Variants in RPRD1B observed in about 807,000 individuals in gnomAD.
RPRD1B encodes regulation of nuclear pre-mRNA domain containing 1B, also known as regulation of nuclear pre-mRNA domain-containing protein 1B.
RPRD1B carries 11 observed loss-of-function variants against 41.5 expected under a neutral mutation model. The ratio of observed to expected loss-of-function variants is 0.27; its 90% confidence interval spans 0.17 to 0.44. The LOEUF is 0.44. Ranked by LOEUF, RPRD1B falls within the 20% of genes least tolerant of loss-of-function variation. RPRD1B has a pLI of 1.00. For synonymous variants in RPRD1B, 158 were observed against 155.6 expected, an observed-to-expected ratio of 1.02 and a Z score of -0.12; for missense variants, 248 against 389.9, an observed-to-expected ratio of 0.64 and a Z score of 3.06.
At chr20:38,075,939 T>G (rs2074455379) in intron 6 of RPRD1B, among the ~76,000 whole-genome samples, 1 of 152,186 alleles carries the variant, frequency 6.6e-6, no homozygotes, top group African/African-American at 2.4e-5. Context: ...TATGATTAGC[T>G]CTCTTTGCCT....
chr20:38,036,293 C>T (rs77242529), intron 1 of RPRD1B, among the ~76,000 whole-genome samples: 2,686 of 152,266 alleles, frequency 0.018, 71 homozygotes, highest in African/African-American at 0.058. Flanking sequence ...ACAGCTAGGA[C>T]ATGAGCCCAG....
At chr20:38,057,453 A>G (rs2074254773) in intron 3 of RPRD1B, 79 bp from the exon 4 acceptor site, 3 of 920,776 alleles carry the variant, frequency 3.3e-6, no homozygotes, top group Non-Finnish European at 5.4e-6. Flanking sequence ...CTGTTTTTAC[A>G]TGTGGCCCAT....
chr20:38,060,245 C>G (rs1198645268), intron 5 of RPRD1B, among the ~76,000 whole-genome samples: 4 of 152,222 alleles, frequency 2.6e-5, no homozygotes, highest in East Asian at 1.9e-4. Flanking sequence ...GGATTCTAAT[C>G]TAGGCTGCAA....
At chr20:38,050,438 G>A (rs1487467762) in intron 3 of RPRD1B, among the ~76,000 whole-genome samples, 4 of 152,188 alleles carry the variant, frequency 2.6e-5, no homozygotes, top group African/African-American at 9.7e-5. Flanking sequence ...CTTCAGTACA[G>A]CTTTGGGGAA....
intron 2 of RPRD1B, among the ~76,000 whole-genome samples, chr20:38,041,431 A>G (rs1362045817): frequency 6.6e-6 from 1 of 152,230 alleles, no homozygotes; most frequent in Non-Finnish European, 1.5e-5. Flanking sequence ...TGAAGGAATA[A>G]AATTAGAAAT....
At chr20:38,064,610 A>C in intron 5 of RPRD1B, among the ~76,000 whole-genome samples, 1 of 152,212 alleles carries the variant, frequency 6.6e-6, no homozygotes, top group Admixed American at 6.5e-5. Context: ...CTTTGTAAAT[A>C]CAGATCCTGC....
chr20:38,048,467 G>A lies in RPRD1B; in HGVS notation c.401G>A (p.Ser134Asn). 6.2e-7 allele frequency: 1 copy of A among 1,607,172 alleles called. No homozygotes were observed. The highest frequency in any genetic ancestry group is 8.5e-7 in the Non-Finnish European group (1 of 1,174,712). ...AAGCTGTCTATGGAGGACTCCAAGA[G>A]CCCTCCCCCCAAAGGTAGAAACATC... ...QLKLSMEDSK[S>N]PPPKATEEKK... Residue 134 changes from serine to asparagine, a missense_variant, in exon 3 of 7, where the codon AGC becomes AAC. Ser to Asn is a conservative substitution (Grantham distance 46, BLOSUM62 1). This residue lies in a region of RPRD1B where 94 missense variants were observed against 82.3 expected (regional missense o/e 1.14). Coordinates refer to ENST00000373433, the MANE Select transcript of RPRD1B (RefSeq NM_021215.4).
At chr20:38,049,681 A>G (rs899139829) in intron 3 of RPRD1B, 1 of 469,218 alleles carries the variant, frequency 2.1e-6, no homozygotes. Flanking sequence ...TTTTTTCTTT[A>G]AAGAGTAAGA....
chr20:38,035,366 A>G (rs1293284917), intron 1 of RPRD1B, among the ~76,000 whole-genome samples: 1 of 152,206 alleles, frequency 6.6e-6, no homozygotes, highest in African/African-American at 2.4e-5. Flanking sequence ...GTTCTATACT[A>G]TCTGTGAGTT....
At chr20:38,048,598 G>A in intron 3 of RPRD1B, 117 bp downstream of exon 3, 1 of 1,472,466 alleles carries the variant, frequency 6.8e-7, no homozygotes, top group South Asian at 1.5e-5. Context: ...TCTTCAGAGA[G>A]ACAGATGATC....
intron 1 of RPRD1B, 94 bp from the exon 2 acceptor site, chr20:38,040,341 C>A: frequency 9.9e-7 from 1 of 1,010,782 alleles, no homozygotes; most frequent in Non-Finnish European, 1.4e-6. Flanking sequence ...TAATACTTGT[C>A]TTAATGTTTT....
intron 1 of RPRD1B, among the ~76,000 whole-genome samples, chr20:38,036,964 T>A (rs1159180347): frequency 2.6e-5 from 4 of 152,164 alleles, no homozygotes; most frequent in African/African-American, 7.2e-5. Context: ...CATCAATACC[T>A]AGCTTCCGAA....
intron 3 of RPRD1B, among the ~76,000 whole-genome samples, chr20:38,056,651 CGTAA>C (rs1168649912): frequency 6.6e-6 from 1 of 152,112 alleles, no homozygotes; most frequent in Non-Finnish European, 1.5e-5. Flanking sequence ...GGAGTCATAC[CGTAA>C]GTGTGTCATT....
At chr20:38,067,854 G>T (rs1237134918) in intron 6 of RPRD1B, among the ~76,000 whole-genome samples, 1 of 152,238 alleles carries the variant, frequency 6.6e-6, no homozygotes, top group Non-Finnish European at 1.5e-5. Flanking sequence ...GATTCTGGTT[G>T]TAAGTCACCA....
Position 38,040,546 on chromosome 20 carries a change from CT to C in RPRD1B, c.268del (p.Ser90LeufsTer15). On this transcript the variant is annotated frameshift_variant, in exon 2 of 7. Coordinates refer to ENST00000373433, the MANE Select transcript of RPRD1B (RefSeq NM_021215.4). LOFTEE classifies it high-confidence loss of function. ...GAATTTGAATCTGTCCTTGTGGATG[CT>C]TTTTCTCATGTTGCCAGGTATGTTG... is the stretch of plus-strand genomic sequence containing the variant. Reference protein sequence around the residue: ...TREFESVLVDAFSHVAREADE... With the variant: ...TREFESVLVDXFSHVAREADE... The C allele has an allele frequency of 1.2e-6, 2 of 1,600,016 alleles. No homozygotes were observed. Among genetic ancestry groups the C allele is most frequent in the Non-Finnish European group, 1.7e-6 (2 of 1,175,028 alleles).
chr20:38,066,315 A>T (rs566900020), intron 6 of RPRD1B, 59 bp downstream of exon 6: 2 of 1,505,318 alleles, frequency 1.3e-6, no homozygotes, highest in Admixed American at 2.0e-5. Context: ...AGCCCACATT[A>T]GGAGGTTTTT....
chr20:38,057,465 G>A, intron 3 of RPRD1B, 67 bp from the exon 4 acceptor site: 1 of 1,082,928 alleles, frequency 9.2e-7, no homozygotes, highest in Non-Finnish European at 1.4e-6. Flanking sequence ...GTGGCCCATT[G>A]TGCATAGCAT....
At chr20:38,037,915 G>C (rs970428085) in intron 1 of RPRD1B, among the ~76,000 whole-genome samples, 3 of 151,198 alleles carry the variant, frequency 2.0e-5, no homozygotes, top group Admixed American at 2.0e-4. Context: ...AATGAAATTT[G>C]CTTTGTTGAA....
intron 6 of RPRD1B, among the ~76,000 whole-genome samples, chr20:38,071,476 T>C (rs1372435086): frequency 6.6e-6 from 1 of 152,246 alleles, no homozygotes; most frequent in Non-Finnish European, 1.5e-5. Context: ...TTGGCTCTTA[T>C]GAATAGTGTT....
Sources: gnomAD v4.1 joint callset for allele counts (sites outside exome capture counted in the v4.1 genomes callset) on GRCh38, gnomAD v4.1.1 for gene constraint, gnomAD v4.1.1 regional missense constraint, MANE v1.5 for transcripts, NCBI Gene and HGNC (gene_info 2026-07-23, HGNC 2026-07-21) for gene names.